Variants in PPP1R12B observed in about 807,000 individuals in gnomAD.
The protein encoded by PPP1R12B is myosin phosphatase target subunit 2.
Under a neutral mutation model 126.1 loss-of-function variants are expected in PPP1R12B, and 76 were observed. The observed-to-expected ratio is 0.60, with a 90% CI of 0.50 to 0.73. The LOEUF is 0.73. Ranked by LOEUF, PPP1R12B falls within the 30% of genes least tolerant of loss-of-function variation. The pLI is 0.00. For synonymous variants in PPP1R12B, 356 were observed against 434.7 expected (o/e 0.82, Z 2.25); for missense variants, 1,052 against 1,205.1 (o/e 0.87, Z 1.88).
At chr1:202,469,483 TA>T (rs1341805684) in intron 13 of PPP1R12B, among the ~76,000 whole-genome samples, 7 of 152,026 alleles carry the variant, frequency 4.6e-5, no homozygotes, top group Admixed American at 1.3e-4. Flanking sequence ...AAATAGAAGT[TA>T]AAAAAAATTT....
chr1:202,448,434 C>G (rs1228398187), intron 12 of PPP1R12B: 1 of 152,350 alleles, frequency 6.6e-6, no homozygotes, highest in Non-Finnish European at 1.5e-5. Context: ...GAAGAGAGAG[C>G]AGTTGCTGAA....
intron 1 of PPP1R12B, among the ~76,000 whole-genome samples, chr1:202,388,790 A>G: frequency 6.6e-6 from 1 of 152,200 alleles, no homozygotes; most frequent in Non-Finnish European, 1.5e-5. Flanking sequence ...AAATTTGGCA[A>G]GCTCATCCTG....
chr1:202,426,175 A>G (rs1669476730), intron 4 of PPP1R12B, among the ~76,000 whole-genome samples: 1 of 152,186 alleles, frequency 6.6e-6, no homozygotes, highest in Non-Finnish European at 1.5e-5. Context: ...TTTGGACTCT[A>G]CTACTCTGTC....
At chr1:202,563,698 G>A (rs1687761277) in intron 20 of PPP1R12B, among the ~76,000 whole-genome samples, 1 of 150,608 alleles carries the variant, frequency 6.6e-6, no homozygotes, top group Non-Finnish European at 1.5e-5. Context: ...TTGTAGAATA[G>A]TACCTAACTC....
At chr1:202,461,210 G>A (rs1268631190) in intron 13 of PPP1R12B, among the ~76,000 whole-genome samples, 2 of 149,278 alleles carry the variant, frequency 1.3e-5, no homozygotes, top group African/African-American at 4.9e-5. Context: ...AAAAAAAAAA[G>A]AATAGTCCAG....
intron 1 of PPP1R12B, among the ~76,000 whole-genome samples, chr1:202,414,592 T>C (rs542821733): frequency 6.6e-6 from 1 of 152,290 alleles, no homozygotes; most frequent in South Asian, 2.1e-4. Flanking sequence ...TATTTTCACT[T>C]GGATGGTCAC....
chr1:202,456,882 A>C (rs1486489925), intron 13 of PPP1R12B, among the ~76,000 whole-genome samples: 1 of 152,246 alleles, frequency 6.6e-6, no homozygotes, highest in Non-Finnish European at 1.5e-5. Context: ...CTGTAAAAAC[A>C]GTTTCAACCA....
intron 13 of PPP1R12B, among the ~76,000 whole-genome samples, chr1:202,475,977 A>G (rs1676592030): frequency 6.6e-6 from 1 of 152,172 alleles, no homozygotes; most frequent in Admixed American, 6.5e-5. Context: ...AGCCGGGCAG[A>G]TCACCTGAGG....
intron 1 of PPP1R12B, among the ~76,000 whole-genome samples, chr1:202,412,498 T>C (rs998418426): frequency 1.3e-5 from 2 of 152,218 alleles, no homozygotes; most frequent in African/African-American, 4.8e-5. Context: ...CTGTTGTCTT[T>C]AAAGGCCAAA....
chr1:202,571,340 C>G (rs1354561228), intron 23 of PPP1R12B, among the ~76,000 whole-genome samples: 1 of 152,174 alleles, frequency 6.6e-6, no homozygotes, highest in Non-Finnish European at 1.5e-5. Flanking sequence ...CAGCCATAAG[C>G]CATTTGCCAG....
intron 18 of PPP1R12B, among the ~76,000 whole-genome samples, chr1:202,514,221 C>T (rs920448607): frequency 1.3e-5 from 2 of 151,974 alleles, no homozygotes; most frequent in Non-Finnish European, 2.9e-5. Context: ...TTGTTGACTG[C>T]ATGTATGTCT....
intron 1 of PPP1R12B, among the ~76,000 whole-genome samples, chr1:202,386,577 C>T (rs1465765126): frequency 6.6e-6 from 1 of 152,154 alleles, no homozygotes. Context: ...CCTCGGCCTC[C>T]CAAAGTGCTG....
chr1:202,462,981 G>A, intron 13 of PPP1R12B: 1 of 985,282 alleles, frequency 1.0e-6, no homozygotes, highest in Non-Finnish European at 1.2e-6. Context: ...TGGGTGTTCT[G>A]GGGAATTGAG....
intron 13 of PPP1R12B, among the ~76,000 whole-genome samples, chr1:202,487,445 A>G (rs1173387042): frequency 3.3e-5 from 5 of 152,212 alleles, no homozygotes; most frequent in African/African-American, 1.2e-4. Context: ...AGCATGTCCT[A>G]GAGATTCCTA....
rs1679114747 is a variant in PPP1R12B, at chr1:202,493,165, A to G, written c.1993A>G (p.Arg665Gly). 1 of 1,612,254 alleles carries G rather than the reference A, an allele frequency of 6.2e-7. No homozygotes were observed. Among genetic ancestry groups the G allele is most frequent in the Non-Finnish European group, 8.5e-7 (1 of 1,179,842 alleles). The change falls in exon 15 of 24, where the codon AGG becomes GGG. Residue 665 changes from arginine (R) to glycine (G), a missense_variant. By Grantham distance (125) the Arg-to-Gly change is moderately radical (BLOSUM62 -2). Coordinates refer to ENST00000608999, the MANE Select transcript of PPP1R12B (RefSeq NM_002481.4). ...AGCAGAAAGGACATTCAGCCGGTCG[A>G]GGGCAGAGAGGCAAGCTCAGGAGCA... ...QEAERTFSRS[R>G]AERQAQEQPR...
Position 202,540,214 on chromosome 1 carries a change from TC to T in PPP1R12B, c.2491-18660del, listed in dbSNP as rs768211696. 6 of 1,609,492 alleles carry T rather than the reference TC, an allele frequency of 3.7e-6. No homozygotes were observed. In the African/African-American group the frequency reaches 8.0e-5, roughly 21 times the overall value. ...CTCAGTCTGATTCTCCCCCAGCATC[TC>T]CCTCCCCGACTGCCAAGACGCTCCG... On this transcript the variant is annotated intron_variant, in intron 18 of 23. Transcript: ENST00000608999.
rs1482674203 is a variant in PPP1R12B at position 202,580,829 on chromosome 1, G to C, written c.*269G>C. On this transcript the variant is annotated 3_prime_UTR_variant, in exon 24 of 24. Transcript: ENST00000608999. ...AGCCATCTGGAGAATGCTCTGGGGA[G>C]TACACCAGGCTCAGCTGTGGACCCC... The C allele has an allele frequency of 2.6e-6, 1 of 388,954 alleles. No individual in the cohort carries two copies. The highest frequency in any genetic ancestry group is 2.0e-5 in the African/African-American group (1 of 49,084). 24.1% of individuals were successfully genotyped at this position (388,954 alleles called of 1,614,324 possible).
chr1:202,439,031 TG>T, intron 10 of PPP1R12B: 1 of 1,372,642 alleles, frequency 7.3e-7, no homozygotes. Flanking sequence ...CCACTACCAG[TG>T]GGCGGACTTC....
intron 1 of PPP1R12B, among the ~76,000 whole-genome samples, chr1:202,360,964 C>T (rs1349816040): frequency 6.7e-6 from 1 of 150,156 alleles, no homozygotes; most frequent in Non-Finnish European, 1.5e-5. Flanking sequence ...GATCTCGGCT[C>T]ACTGCAAGCT....
Sources: gnomAD v4.1 joint callset for allele counts (sites outside exome capture counted in the v4.1 genomes callset) on GRCh38, gnomAD v4.1.1 for gene constraint, MANE v1.5 for transcripts, NCBI Gene and HGNC (gene_info 2026-07-23, HGNC 2026-07-21) for gene names.